GCM2: variants seen among roughly 807,000 people sequenced by gnomAD.
The protein encoded by GCM2 is GCM transcription factor 2.
A neutral mutation model predicts 24.8 loss-of-function variants in GCM2; 21 were observed. The observed-to-expected ratio is 0.85, with a 90% CI of 0.60 to 1.22. The LOEUF is 1.22. GCM2 is among the 50% of genes most tolerant of loss of function. The pLI, the probability that GCM2 is intolerant of heterozygous loss-of-function variation, is 0.00. For missense variants in GCM2, 532 were observed against 645.6 expected, an observed-to-expected ratio of 0.82 and a Z score of 1.91; for synonymous variants, 222 against 238.0, an observed-to-expected ratio of 0.93 and a Z score of 0.62.
chr6:10,882,039 A>AT lies in GCM2; in HGVS notation c.-247dup, dbSNP rs1336024980. On this transcript the variant is annotated 5_prime_UTR_variant, in exon 1 of 5. It adds an upstream start codon to the 5' untranslated region. Coordinates refer to ENST00000379491, the MANE Select transcript of GCM2 (RefSeq NM_004752.4). ...GAACGTTCTCCACCCGAACGGCAGC[A>AT]TCGACCTCTGGCAGCTGCCCCCTCC... 1.1e-5 allele frequency: 6 copies of AT among 539,148 alleles called. No homozygotes were observed. The highest frequency in any genetic ancestry group is 2.0e-5 in the Non-Finnish European group (6 of 299,804). The allele number at this position is 539,148 out of a possible 1,614,324, so 33.4% of individuals were successfully genotyped here.
At chr6:10,875,503 A>G (rs1437931742) in intron 4 of GCM2, among the ~76,000 whole-genome samples, 1 of 152,230 alleles carries the variant, frequency 6.6e-6, no homozygotes, top group African/African-American at 2.4e-5. Flanking sequence ...ACTGAATTAA[A>G]TTGCGCAGAG....
chr6:10,879,758 GTTCAT>G (rs1233341159), intron 1 of GCM2, among the ~76,000 whole-genome samples: 1 of 152,152 alleles, frequency 6.6e-6, no homozygotes, highest in Non-Finnish European at 1.5e-5. Flanking sequence ...CTAAAAAAAA[GTTCAT>G]ATTGACATGG....
At chr6:10,878,646 A>G (rs1779916029) in intron 1 of GCM2, among the ~76,000 whole-genome samples, 2 of 152,176 alleles carry the variant, frequency 1.3e-5, no homozygotes, top group Admixed American at 1.3e-4. Context: ...TGTAATGTTT[A>G]GGGCTGCTTT....
chr6:10,876,399 T>G, intron 3 of GCM2, 46 bp downstream of exon 3: 1 of 1,251,804 alleles, frequency 8.0e-7, no homozygotes, highest in Non-Finnish European at 1.2e-6. Context: ...GCCTTTGTGG[T>G]CTGATGAAAA....
Position 10,881,866 on chromosome 6 carries a change from G to GA in GCM2, c.-74_-73insT, listed in dbSNP as rs762230820. On this transcript the variant is annotated 5_prime_UTR_variant, in exon 1 of 5. Transcript: ENST00000379491. Reference sequence around the variant, plus strand: ...GAAAAAAGGACAGGTGCGCCAGGTGGGTTTTTTTTCTTCTCTTTAAAGAAG... The same window carrying GA: ...GAAAAAAGGACAGGTGCGCCAGGTGGAGTTTTTTTTCTTCTCTTTAAAGAAG... The GA allele has an allele frequency of 2.4e-4, 301 of 1,255,822 alleles. 7 individuals are homozygous for GA. The highest frequency in any genetic ancestry group is 3.1e-4 in the Non-Finnish European group (274 of 874,220). 77.8% of individuals were successfully genotyped at this position (1,255,822 alleles called of 1,614,324 possible).
In GCM2 at chr6:10,876,481, G is replaced by A. The variant is rs1277267104; in HGVS notation, c.420C>T (p.Asn140=). The stretch of plus-strand genomic sequence containing the variant: ...TCGCGTTGCCATCAAGCCGCCAAAA[G>A]TTGGTTACGGGGTATCCGCTGTGCC... The part of the protein sequence containing the change: ...CRGHSGYPVT[N]FWRLDGNAIF... Residue 140 remains asparagine (N), a synonymous_variant, in exon 3 of 5, where the codon AAC becomes AAT. Coordinates refer to ENST00000379491, the MANE Select transcript of GCM2 (RefSeq NM_004752.4). 5 of 1,613,934 alleles carry A rather than the reference G, an allele frequency of 3.1e-6. No individual in the cohort carries two copies. The highest frequency in any genetic ancestry group is 4.2e-6 in the Non-Finnish European group (5 of 1,179,776).
Position 10,874,007 on chromosome 6 carries a change from ATT to A in GCM2, c.1507_1508del (p.Asn503Ter), listed in dbSNP as rs1002688900. On this transcript the variant is annotated frameshift_variant, in exon 5 of 5. Coordinates refer to ENST00000379491, the MANE Select transcript of GCM2 (RefSeq NM_004752.4). LOFTEE classifies it high-confidence loss of function. ...DRVGPFFTYNNEDF is the reference protein window; with the variant it reads ...DRVGPFFTYNXEDF Reference sequence around the variant, plus strand: ...CCTGGATTGTCTTTCAAAAATCCTCATTGTTGTAGGTAAAGAAGGGACCCACT... The same window carrying A: ...CCTGGATTGTCTTTCAAAAATCCTCAGTTGTAGGTAAAGAAGGGACCCACT... 1.2e-6 allele frequency: 2 copies of A among 1,613,410 alleles called. No homozygotes were observed. The highest frequency in any genetic ancestry group is 2.7e-5 in the African/African-American group (2 of 74,906).
At chr6:10,881,554 ATGTGTGTGTGTGTGTGTGTG>A (rs35911329) in intron 1 of GCM2, 130 bp downstream of exon 1, 20,257 of 427,790 alleles carry the variant, frequency 0.047, 78 homozygotes, top group East Asian at 0.15. Flanking sequence ...TTTTGCGGGT[ATGTGTGTGTGTGTGTGTGTG>A]TGTGTGTGTG....
At chr6:10,875,044 G>T in intron 4 of GCM2, 111 bp from the exon 5 acceptor site, 1 of 823,712 alleles carries the variant, frequency 1.2e-6, no homozygotes, top group East Asian at 2.6e-5. Flanking sequence ...GCTGGGCTCT[G>T]TGTTGTGAAC....
Position 10,874,425 on chromosome 6 carries a change from A to C in GCM2, c.1091T>G (p.Leu364Arg). The C allele has an allele frequency of 6.2e-7, 1 of 1,614,170 alleles. No individual in the cohort carries two copies. The highest frequency in any genetic ancestry group is 2.2e-5 in the East Asian group (1 of 44,888). Residue 364 changes from leucine (L) to arginine (R), a missense_variant, in exon 5 of 5, where the codon CTT (leucine) becomes CGT (arginine). This residue lies in a region of GCM2 where 434 missense variants were observed against 521.9 expected (regional missense o/e 0.83). Coordinates refer to ENST00000379491, the MANE Select transcript of GCM2 (RefSeq NM_004752.4). ...MATRPYYNPE[L>R]PCRYLTTPPP... is the part of the protein sequence containing the mutation. ...TGGAGTCGTGAGGTACCTGCAGGGA[A>C]GCTCTGGGTTATAATAAGGGCGAGT...
intron 1 of GCM2, among the ~76,000 whole-genome samples, chr6:10,880,115 C>T (rs1328591057): frequency 6.6e-6 from 1 of 152,042 alleles, no homozygotes; most frequent in African/African-American, 2.4e-5. Flanking sequence ...ATTAGCTGGG[C>T]GTGGTGGCGC....
intron 1 of GCM2, among the ~76,000 whole-genome samples, chr6:10,879,827 C>G (rs1779933992): frequency 6.6e-6 from 1 of 152,140 alleles, no homozygotes; most frequent in Non-Finnish European, 1.5e-5. Flanking sequence ...TTGGATGTGA[C>G]TTTTCTAAAA....
In GCM2 at chr6:10,873,832, A is replaced by G; in HGVS notation, c.*163T>C. The G allele has an allele frequency of 2.9e-6, 2 of 689,796 alleles. No homozygotes were observed. The highest frequency in any genetic ancestry group is 5.4e-5 in the East Asian group (2 of 36,972). The allele number at this position is 689,796 out of a possible 1,614,324, so 42.7% of individuals were successfully genotyped here. A position where few individuals can be genotyped will look rare whatever the true frequency, so the allele number is the denominator to read the frequency against. ...GTGAAATTTCCCATATTATCTAATC[A>G]TTTCCAACTGATTATTTTCTCAGTT... On this transcript the variant is annotated 3_prime_UTR_variant, in exon 5 of 5. Transcript: ENST00000379491.
chr6:10,875,799 T>G, intron 4 of GCM2, 92 bp downstream of exon 4: 1 of 1,239,988 alleles, frequency 8.1e-7, no homozygotes, highest in Admixed American at 1.7e-5. Context: ...ACCCTTGTAA[T>G]TAACGTATGA....
intron 1 of GCM2, among the ~76,000 whole-genome samples, chr6:10,878,270 T>C (rs984018248): frequency 6.6e-6 from 1 of 152,230 alleles, no homozygotes; most frequent in African/African-American, 2.4e-5. Context: ...GCAATAAATG[T>C]CACTTTTGCA....
intron 3 of GCM2, 69 bp downstream of exon 3, chr6:10,876,376 G>A (rs572108425): frequency 1.1e-4 from 111 of 1,042,226 alleles, no homozygotes; most frequent in South Asian, 8.1e-4. Flanking sequence ...CAAGGCACAC[G>A]ACAGGTGGTT....
chr6:10,875,073 G>A (rs1418371222), intron 4 of GCM2, 140 bp from the exon 5 acceptor site: 13 of 712,906 alleles, frequency 1.8e-5, no homozygotes, highest in East Asian at 8.0e-5. Flanking sequence ...GCTCAGGTAC[G>A]TGATGTAAGC....
At chr6:10,879,927 T>C (rs1203533161) in intron 1 of GCM2, among the ~76,000 whole-genome samples, 1 of 151,982 alleles carries the variant, frequency 6.6e-6, no homozygotes, top group Non-Finnish European at 1.5e-5. Context: ...TTCATGAAAA[T>C]GGTACCATGT....
chr6:10,876,366 C>T (rs773686017), intron 3 of GCM2, 79 bp downstream of exon 3: 7 of 978,934 alleles, frequency 7.2e-6, no homozygotes, highest in Admixed American at 1.8e-5. Context: ...CCAGGGTTCC[C>T]AAGGCACACG....
Sources: gnomAD v4.1 joint callset for allele counts (sites outside exome capture counted in the v4.1 genomes callset) on GRCh38, gnomAD v4.1.1 for gene constraint, gnomAD v4.1.1 regional missense constraint, MANE v1.5 for transcripts, NCBI Gene and HGNC (gene_info 2026-07-23, HGNC 2026-07-21) for gene names.